RBMS3: variants seen among roughly 807,000 people sequenced by gnomAD.
RBMS3 encodes RNA binding motif single stranded interacting protein 3.
Under a neutral mutation model 66.8 loss-of-function variants are expected in RBMS3, and 27 were observed. The observed-to-expected ratio is 0.40, with a 90% confidence interval of 0.30 to 0.56. The LOEUF is 0.56. RBMS3 is among the 20% of genes least tolerant of loss of function. The probability of loss-of-function intolerance (pLI) is 0.40; values close to 1 mark genes in which losing one functional copy is unlikely to be tolerated. For synonymous variants in RBMS3, 188 were observed against 183.0 expected, an observed-to-expected ratio of 1.03 and a Z score of -0.22; for missense variants, 513 against 549.5, an observed-to-expected ratio of 0.93 and a Z score of 0.66.
At chr3:29,331,619 A>G (rs2035658380) in intron 1 of RBMS3, among the ~76,000 whole-genome samples, 1 of 152,000 alleles carries the variant, frequency 6.6e-6, no homozygotes, top group Non-Finnish European at 1.5e-5. Context: ...TCTGTGATCC[A>G]TGTAGAATGT....
At position 29,790,328 on chromosome 3, in the gene RBMS3, A is replaced by G. The variant is rs77812827; in HGVS notation, c.637+27339A>G. Among the ~76,000 whole-genome samples, 277 of 152,312 alleles carry G rather than the reference A, an allele frequency of 1.8e-3. 6 individuals carry two copies. In the East Asian group the frequency reaches 0.048, roughly 26 times the overall value. ...TTTAGCGCTCACATGATATCACTCAATTTTGTGAGGCGTCTTTTGTAAAGT... is the reference window on the plus strand; with the variant it reads ...TTTAGCGCTCACATGATATCACTCAGTTTTGTGAGGCGTCTTTTGTAAAGT... On this transcript the variant is annotated intron_variant, in intron 6 of 14. Transcript: ENST00000383767.
chr3:29,579,081 G>C (rs2047232877), intron 3 of RBMS3, among the ~76,000 whole-genome samples: 1 of 135,158 alleles, frequency 7.4e-6, no homozygotes, highest in Non-Finnish European at 1.6e-5. Context: ...GATTACAGGC[G>C]TGAGCCACCG....
At chr3:29,621,804 G>T (rs1460057402) in intron 4 of RBMS3, among the ~76,000 whole-genome samples, 2 of 151,962 alleles carry the variant, frequency 1.3e-5, no homozygotes, top group Admixed American at 6.6e-5. Flanking sequence ...AGTTTCTCAG[G>T]TAACAGAGGA....
At chr3:29,346,799 A>T (rs1326129233) in intron 1 of RBMS3, among the ~76,000 whole-genome samples, 2 of 152,142 alleles carry the variant, frequency 1.3e-5, no homozygotes, top group African/African-American at 4.8e-5. Context: ...CTCTTTGCAG[A>T]CACAATTTAG....
At chr3:29,327,528 C>T (rs2035412562) in intron 1 of RBMS3, among the ~76,000 whole-genome samples, 1 of 152,118 alleles carries the variant, frequency 6.6e-6, no homozygotes, top group East Asian at 1.9e-4. Context: ...AATATTATCA[C>T]TATTATCATT....
intron 2 of RBMS3, among the ~76,000 whole-genome samples, chr3:29,438,461 A>T (rs2041485011): frequency 6.6e-6 from 1 of 152,190 alleles, no homozygotes; most frequent in Non-Finnish European, 1.5e-5. Context: ...AAGAAATTGC[A>T]TTATTTCTAA....
intron 4 of RBMS3, among the ~76,000 whole-genome samples, chr3:29,663,747 T>A (rs2050645826): frequency 7.1e-6 from 1 of 140,004 alleles, no homozygotes; most frequent in East Asian, 2.0e-4. Context: ...TCGTAGATTG[T>A]TTCTTTTTTA....
chr3:29,988,060 A>G, intron 12 of RBMS3, 83 bp from the exon 13 acceptor site: 1 of 1,146,104 alleles, frequency 8.7e-7, no homozygotes, highest in Non-Finnish European at 1.3e-6. Flanking sequence ...CCCCATAGCT[A>G]AAGCAGTCTC....
chr3:29,328,053 T>C (rs1028239331), intron 1 of RBMS3, among the ~76,000 whole-genome samples: 2 of 152,196 alleles, frequency 1.3e-5, no homozygotes, highest in Non-Finnish European at 2.9e-5. Context: ...CCCACTTAGG[T>C]GGCACTTACT....
chr3:29,722,811 C>A (rs1228428047), intron 4 of RBMS3, among the ~76,000 whole-genome samples: 1 of 151,958 alleles, frequency 6.6e-6, no homozygotes, highest in Non-Finnish European at 1.5e-5. Context: ...TGTATCATAT[C>A]GAGAGGCACA....
At chr3:29,283,682 C>T (rs538228298) in intron 1 of RBMS3, among the ~76,000 whole-genome samples, 1 of 152,032 alleles carries the variant, frequency 6.6e-6, no homozygotes, top group Non-Finnish European at 1.5e-5. Context: ...ATTAGGCGTC[C>T]TATGTTGATA....
At chr3:29,366,291 C>G (rs909777057) in intron 1 of RBMS3, among the ~76,000 whole-genome samples, 2 of 152,144 alleles carry the variant, frequency 1.3e-5, no homozygotes, top group Admixed American at 6.6e-5. Flanking sequence ...AGACATTACC[C>G]AAACACATAG....
At chr3:29,464,611 T>C (rs533590349) in intron 2 of RBMS3, among the ~76,000 whole-genome samples, 3 of 152,326 alleles carry the variant, frequency 2.0e-5, no homozygotes, top group Admixed American at 6.5e-5. Flanking sequence ...GTATACCTTA[T>C]AGGTATCAAA....
rs1034594546 is a variant in RBMS3, at chr3:29,626,877, T to C, written c.399+39672T>C. 2.6e-5 allele frequency among the ~76,000 whole-genome samples: 4 copies of C among 152,162 alleles called. No individual in the cohort carries two copies. In the East Asian group the frequency reaches 7.7e-4, roughly 29 times the overall value. On this transcript the variant is annotated intron_variant, in intron 4 of 14. Coordinates refer to ENST00000383767, the MANE Select transcript of RBMS3 (RefSeq NM_001003793.3). ...CTTTCTGTGCCTCAGTTTCTTTACATGTCCAAATGAGAACAGTAATAAAAT... is the reference window on the plus strand; with the variant it reads ...CTTTCTGTGCCTCAGTTTCTTTACACGTCCAAATGAGAACAGTAATAAAAT...
intron 3 of RBMS3, among the ~76,000 whole-genome samples, chr3:29,575,253 C>T (rs1383758009): frequency 6.6e-6 from 1 of 151,054 alleles, no homozygotes; most frequent in East Asian, 1.9e-4. Flanking sequence ...TGAAGGATAT[C>T]TTTGTCGGAT....
intron 4 of RBMS3, among the ~76,000 whole-genome samples, chr3:29,604,977 A>G (rs894946056): frequency 6.6e-6 from 1 of 151,946 alleles, no homozygotes; most frequent in Non-Finnish European, 1.5e-5. Context: ...CTCCAAAATA[A>G]AGCAAAAATA....
intron 1 of RBMS3, among the ~76,000 whole-genome samples, chr3:29,317,458 T>C (rs979043750): frequency 1.3e-5 from 2 of 151,700 alleles, no homozygotes; most frequent in African/African-American, 4.8e-5. Flanking sequence ...TCTATCATTA[T>C]TGCGACAACA....
At chr3:29,901,125 G>A (rs1054823270) in intron 10 of RBMS3, among the ~76,000 whole-genome samples, 7 of 151,602 alleles carry the variant, frequency 4.6e-5, no homozygotes, top group African/African-American at 1.5e-4. Flanking sequence ...GGCTTTCTGA[G>A]TTCATCTAGT....
At chr3:29,743,300 A>G (rs2054723117) in intron 5 of RBMS3, among the ~76,000 whole-genome samples, 1 of 152,150 alleles carries the variant, frequency 6.6e-6, no homozygotes, top group Admixed American at 6.6e-5. Context: ...TGCTTTTCTC[A>G]TCTGAAATTT....
Sources: allele counts gnomAD v4.1 joint callset (sites outside exome capture counted in the v4.1 genomes callset), GRCh38; gene constraint gnomAD v4.1.1; transcripts MANE v1.5; gene names NCBI Gene and HGNC (gene_info 2026-07-23, HGNC 2026-07-21).